The following CTNNA2 variants were observed in gnomAD, a reference collection of about 807,000 sequenced individuals.
The protein encoded by CTNNA2 is catenin alpha 2.
In CTNNA2, 42 loss-of-function variants were observed where a neutral mutation model predicts 101.0. That is an observed-to-expected ratio of 0.42 (90% CI 0.32 to 0.54). The LOEUF (loss-of-function observed/expected upper bound fraction) is 0.54, where lower values mean the gene tolerates loss of function less well. Ranked by LOEUF, CTNNA2 falls within the 20% of genes least tolerant of loss-of-function variation. The pLI is 0.14. For missense variants in CTNNA2, 871 were observed against 1,223.1 expected, an observed-to-expected ratio of 0.71 and a Z score of 4.29; for synonymous variants, 450 against 456.4, an observed-to-expected ratio of 0.99 and a Z score of 0.18.
At chr2:79,558,527 G>A (rs2104109937) in intron 1 of CTNNA2, among the ~76,000 whole-genome samples, 1 of 152,014 alleles carries the variant, frequency 6.6e-6, no homozygotes, top group East Asian at 1.9e-4. Context: ...TAATAGGGAA[G>A]ATAACAAATG....
intron 7 of CTNNA2, among the ~76,000 whole-genome samples, chr2:80,148,535 G>A (rs1703494678): frequency 6.6e-6 from 1 of 152,210 alleles, no homozygotes; most frequent in South Asian, 2.1e-4. Context: ...GAGAGCAGAG[G>A]AGCAGCACCA....
At chr2:79,284,827 A>G (rs1218348708) in intron 2 of CTNNA2, among the ~76,000 whole-genome samples, 96 of 146,732 alleles carry the variant, frequency 6.5e-4, no homozygotes, top group African/African-American at 2.3e-3. Flanking sequence ...ATAGTTTCAG[A>G]AGGAATGGTA....
chr2:79,909,557 C>G lies in CTNNA2; in HGVS notation c.853-37C>G, dbSNP rs746502821. ...GGGTGCCAAGGCAGACCTCTCTTCT[C>G]TGCTGATTTTTGTGTGTGTGTGTGT... On this transcript the variant is annotated intron_variant, in intron 6 of 18. Coordinates refer to ENST00000402739, the MANE Select transcript of CTNNA2 (RefSeq NM_001282597.3). The G allele has an allele frequency of 1.2e-5, 18 of 1,551,140 alleles. No individual in the cohort carries two copies. In the East Asian group the frequency reaches 3.2e-4, roughly 28 times the overall value.
chr2:80,301,350 A>G (rs1396643438), intron 7 of CTNNA2, among the ~76,000 whole-genome samples: 1 of 152,164 alleles, frequency 6.6e-6, no homozygotes, highest in Non-Finnish European at 1.5e-5. Context: ...GCTCCCTTTA[A>G]CAGGGGGTAC....
At chr2:80,329,579 T>C (rs1350511961) in intron 7 of CTNNA2, among the ~76,000 whole-genome samples, 1 of 152,136 alleles carries the variant, frequency 6.6e-6, no homozygotes, top group Non-Finnish European at 1.5e-5. Flanking sequence ...ACGGAAGGGC[T>C]GTGTTAGGAT....
intron 11 of CTNNA2, among the ~76,000 whole-genome samples, chr2:80,549,308 C>T (rs1244556795): frequency 6.6e-6 from 1 of 152,052 alleles, no homozygotes; most frequent in Admixed American, 6.5e-5. Context: ...TCTCATAATG[C>T]CCAAGAGTTT....
chr2:79,263,207 A>G (rs994750176), intron 2 of CTNNA2, among the ~76,000 whole-genome samples: 1 of 151,986 alleles, frequency 6.6e-6, no homozygotes, highest in African/African-American at 2.4e-5. Flanking sequence ...TCCAAATCTC[A>G]TGTCGAAATG....
At position 80,234,493 on chromosome 2, in the gene CTNNA2, A is replaced by G. The variant is rs543527344; in HGVS notation, c.1057-158718A>G. Among the ~76,000 whole-genome samples, 4 of 152,296 alleles carry G rather than the reference A, an allele frequency of 2.6e-5. No homozygotes were observed. In the South Asian group the frequency reaches 8.3e-4, roughly 32 times the overall value. ...ATACTCTTATAATCTTCCTTTGGGA[A>G]GGGTTCTTTTACTCATGACCTCTCA... On this transcript the variant is annotated intron_variant, in intron 7 of 18. Coordinates refer to ENST00000402739, the MANE Select transcript of CTNNA2 (RefSeq NM_001282597.3).
At chr2:80,639,573 T>C (rs1673246690) in intron 18 of CTNNA2, among the ~76,000 whole-genome samples, 1 of 149,884 alleles carries the variant, frequency 6.7e-6, no homozygotes, top group Admixed American at 6.7e-5. Flanking sequence ...AACATATCTG[T>C]GATGGTCACT....
chr2:79,965,533 A>G (rs929325958), intron 7 of CTNNA2, among the ~76,000 whole-genome samples: 4 of 152,136 alleles, frequency 2.6e-5, no homozygotes, highest in South Asian at 4.1e-4. Context: ...CATACTGTCT[A>G]TAAAAACAAG....
intron 3 of CTNNA2, among the ~76,000 whole-genome samples, chr2:79,322,880 C>T (rs1334484100): frequency 2.0e-5 from 3 of 152,148 alleles, no homozygotes; most frequent in Admixed American, 2.0e-4. Flanking sequence ...CCTCAGCTCG[C>T]CCATTTCCCT....
intron 7 of CTNNA2, among the ~76,000 whole-genome samples, chr2:80,152,411 TA>T (rs1170988101): frequency 2.0e-5 from 3 of 152,112 alleles, no homozygotes; most frequent in Admixed American, 1.3e-4. Context: ...GAGTCACTAC[TA>T]CAAGTTTTTC....
At chr2:80,349,944 A>G (rs1290875176) in intron 7 of CTNNA2, among the ~76,000 whole-genome samples, 5 of 152,180 alleles carry the variant, frequency 3.3e-5, no homozygotes, top group Admixed American at 3.3e-4. Flanking sequence ...CAGGGGCTAA[A>G]TTGAAGCTGA....
At chr2:79,629,717 G>C (rs1024637318) in intron 1 of CTNNA2, among the ~76,000 whole-genome samples, 1 of 152,192 alleles carries the variant, frequency 6.6e-6, no homozygotes, top group Non-Finnish European at 1.5e-5. Flanking sequence ...ATAGATGGGA[G>C]AGGGAGGAAA....
chr2:80,096,005 C>G (rs1700122670), intron 7 of CTNNA2, among the ~76,000 whole-genome samples: 1 of 152,016 alleles, frequency 6.6e-6, no homozygotes, highest in Non-Finnish European at 1.5e-5. Context: ...CTATTTCCTT[C>G]AGTTCTGCTC....
intron 1 of CTNNA2, among the ~76,000 whole-genome samples, chr2:79,602,262 A>G (rs1192047113): frequency 6.6e-6 from 1 of 152,180 alleles, no homozygotes; most frequent in Non-Finnish European, 1.5e-5. Flanking sequence ...ATAATTCATC[A>G]GATTAAAATA....
intron 7 of CTNNA2, among the ~76,000 whole-genome samples, chr2:80,117,585 T>G (rs141497756): frequency 1.8e-3 from 268 of 152,030 alleles, no homozygotes; most frequent in African/African-American, 6.3e-3. Flanking sequence ...GGATTTCTGC[T>G]GATTTGTGGA....
chr2:79,868,905 C>T (rs1682356836), intron 4 of CTNNA2, among the ~76,000 whole-genome samples: 1 of 152,156 alleles, frequency 6.6e-6, no homozygotes, highest in Admixed American at 6.5e-5. Flanking sequence ...TATAAAGACA[C>T]TATCTGACTG....
In CTNNA2 at chr2:80,102,232, A is replaced by G. The variant is rs1018353756; in HGVS notation, c.1056+192435A>G. Among the ~76,000 whole-genome samples the G allele has an allele frequency of 3.3e-4, 50 of 152,294 alleles. 1 individual carries two copies. Among genetic ancestry groups the G allele is most frequent in the African/African-American group, 1.1e-3 (47 of 41,564 alleles). On this transcript the variant is annotated intron_variant, in intron 7 of 18. Transcript: ENST00000402739. ...ATCTTTCTCATATCTTCCTCTTCCC[A>G]GAATTGCTGTCTGATTCACCCTCTG...
Sources: allele counts gnomAD v4.1 joint callset (sites outside exome capture counted in the v4.1 genomes callset), GRCh38; gene constraint gnomAD v4.1.1; transcripts MANE v1.5; gene names NCBI Gene and HGNC (gene_info 2026-07-23, HGNC 2026-07-21).